Variants in NALCN observed in about 807,000 individuals in gnomAD.
NALCN encodes sodium leak channel, non-selective.
In NALCN, 111 loss-of-function variants were observed where a neutral mutation model predicts 225.3. The observed-to-expected ratio is 0.49, with a 90% CI of 0.42 to 0.58. NALCN has a LOEUF of 0.58. Ranked by LOEUF, NALCN falls within the 20% of genes least tolerant of loss-of-function variation. The pLI is 0.00. For synonymous variants in NALCN, 764 were observed against 769.0 expected, an observed-to-expected ratio of 0.99 and a Z score of 0.11; for missense variants, 1,378 against 2,202.4, an observed-to-expected ratio of 0.63 and a Z score of 7.49.
intron 12 of NALCN, among the ~76,000 whole-genome samples, chr13:101,234,911 G>A (rs1439545538): frequency 6.6e-6 from 1 of 151,866 alleles, no homozygotes; most frequent in African/African-American, 2.4e-5. Context: ...AGCCTTGCAG[G>A]CTAATATTAG....
At chr13:101,195,906 T>C (rs1426750526) in intron 13 of NALCN, among the ~76,000 whole-genome samples, 1 of 152,210 alleles carries the variant, frequency 6.6e-6, no homozygotes, top group Non-Finnish European at 1.5e-5. Flanking sequence ...ATCCTCAAGT[T>C]TGACAATATT....
intron 34 of NALCN, among the ~76,000 whole-genome samples, chr13:101,077,048 G>T (rs563730229): frequency 2.7e-4 from 40 of 150,862 alleles, no homozygotes; most frequent in South Asian, 2.5e-3. Context: ...GTCTCACCAG[G>T]TCTGATAGTT....
At chr13:101,213,169 C>T (rs1294460512) in intron 13 of NALCN, among the ~76,000 whole-genome samples, 1 of 152,036 alleles carries the variant, frequency 6.6e-6, no homozygotes, top group African/African-American at 2.4e-5. Context: ...TGATCTTTGA[C>T]AAACCTGACA....
chr13:101,272,039 T>A (rs923149879), intron 10 of NALCN, among the ~76,000 whole-genome samples: 1 of 150,992 alleles, frequency 6.6e-6, no homozygotes, highest in Non-Finnish European at 1.5e-5. Context: ...TACATGTGAG[T>A]TGTGTGAGCG....
chr13:101,135,263 A>G lies in NALCN; in HGVS notation c.2118+7817T>C, dbSNP rs544743547. On this transcript the variant is annotated intron_variant, in intron 17 of 43. Coordinates refer to ENST00000251127, the MANE Select transcript of NALCN (RefSeq NM_052867.4). ...TTTAATTACAAAAGTAAAATACAAA[A>G]TGACTTTATGATTATATCTAATATA... Among the ~76,000 whole-genome samples, 3 of 152,362 alleles carry G rather than the reference A, an allele frequency of 2.0e-5. No individual in the cohort carries two copies. The South Asian group carries it at 6.2e-4, about 32-fold the overall frequency.
At chr13:101,286,788 T>C (rs890237209) in intron 9 of NALCN, among the ~76,000 whole-genome samples, 1 of 151,644 alleles carries the variant, frequency 6.6e-6, no homozygotes, top group Non-Finnish European at 1.5e-5. Context: ...TGAGGATGAG[T>C]TGCAAAAGAA....
intron 40 of NALCN, among the ~76,000 whole-genome samples, chr13:101,063,465 C>T (rs955426268): frequency 3.9e-5 from 6 of 152,130 alleles, no homozygotes; most frequent in South Asian, 2.1e-4. Flanking sequence ...TTAGATACAT[C>T]GGTGTGTTCC....
intron 12 of NALCN, among the ~76,000 whole-genome samples, chr13:101,231,520 A>G (rs1360964853): frequency 1.3e-5 from 2 of 152,208 alleles, no homozygotes; most frequent in African/African-American, 4.8e-5. Context: ...CCAATTTTGT[A>G]TGTAGCTCTA....
At chr13:101,146,381 C>A (rs747044646) in intron 15 of NALCN, among the ~76,000 whole-genome samples, 6 of 152,156 alleles carry the variant, frequency 3.9e-5, no homozygotes, top group Non-Finnish European at 7.3e-5. Flanking sequence ...ACGTTCTCAA[C>A]AGTTCCATGG....
At chr13:101,399,264 G>A (rs1333154290) in intron 1 of NALCN, 99 bp from the exon 2 acceptor site, 2 of 705,376 alleles carry the variant, frequency 2.8e-6, no homozygotes, top group East Asian at 5.6e-5. Context: ...AGGCATATAT[G>A]TGTTCTACTC....
intron 10 of NALCN, among the ~76,000 whole-genome samples, chr13:101,267,021 G>C (rs1039834647): frequency 1.3e-5 from 2 of 152,154 alleles, no homozygotes; most frequent in African/African-American, 4.8e-5. Context: ...GGACAGAAGG[G>C]AATCCACATG....
At chr13:101,248,233 G>T (rs1238711060) in intron 11 of NALCN, among the ~76,000 whole-genome samples, 1 of 151,944 alleles carries the variant, frequency 6.6e-6, no homozygotes, top group African/African-American at 2.4e-5. Context: ...ATGAAAAAGA[G>T]AAAATAATAA....
intron 10 of NALCN, among the ~76,000 whole-genome samples, 168 bp downstream of exon 10, chr13:101,283,765 A>C (rs923437720): frequency 1.3e-5 from 2 of 152,128 alleles, no homozygotes; most frequent in African/African-American, 4.8e-5. Context: ...TATGTTAAAA[A>C]AAAAAAAGCT....
chr13:101,346,390 T>C (rs2045739216), intron 6 of NALCN, among the ~76,000 whole-genome samples: 4 of 152,172 alleles, frequency 2.6e-5, no homozygotes, highest in Non-Finnish European at 4.4e-5. Flanking sequence ...TGTCTCACTG[T>C]GGGCACACAT....
At chr13:101,338,334 A>G (rs955273195) in intron 7 of NALCN, among the ~76,000 whole-genome samples, 1 of 152,050 alleles carries the variant, frequency 6.6e-6, no homozygotes, top group Admixed American at 6.5e-5. Context: ...TTTATTCTGG[A>G]TTTTTTTGAA....
chr13:101,149,548 C>A (rs2037532360), intron 15 of NALCN, among the ~76,000 whole-genome samples: 1 of 152,198 alleles, frequency 6.6e-6, no homozygotes, highest in Admixed American at 6.5e-5. Flanking sequence ...AGAAATAGAA[C>A]TCTTTGTAAA....
chr13:101,261,575 T>C (rs905496442), intron 10 of NALCN, among the ~76,000 whole-genome samples: 1 of 152,214 alleles, frequency 6.6e-6, no homozygotes, highest in African/African-American at 2.4e-5. Context: ...ATTTTTTGGT[T>C]AATTGCAAGG....
chr13:101,406,171 A>C (rs1437673203), intron 1 of NALCN, among the ~76,000 whole-genome samples: 4 of 150,128 alleles, frequency 2.7e-5, no homozygotes, highest in Non-Finnish European at 4.4e-5. Flanking sequence ...AAAAAAATAC[A>C]AAAAATTAGC....
At chr13:101,263,379 G>T (rs941284095) in intron 10 of NALCN, among the ~76,000 whole-genome samples, 19 of 152,176 alleles carry the variant, frequency 1.2e-4, no homozygotes, top group African/African-American at 4.6e-4. Flanking sequence ...TTCTTGCATT[G>T]TGAGAGTTAA....
Sources: allele counts gnomAD v4.1 joint callset (sites outside exome capture counted in the v4.1 genomes callset), GRCh38; gene constraint gnomAD v4.1.1; transcripts MANE v1.5; gene names NCBI Gene and HGNC (gene_info 2026-07-23, HGNC 2026-07-21).